The following PTCHD4 variants were observed in gnomAD, a reference collection of about 807,000 sequenced individuals.
The protein encoded by PTCHD4 is patched domain containing 4.
Under a neutral mutation model 58.1 loss-of-function variants are expected in PTCHD4, and 33 were observed. That is an observed-to-expected ratio of 0.57 (90% CI 0.43 to 0.76). PTCHD4 has a LOEUF of 0.76. PTCHD4 is among the 30% of genes least tolerant of loss of function. The pLI is 0.00. For missense variants in PTCHD4, 1,058 were observed against 1,027.1 expected, an observed-to-expected ratio of 1.03 and a Z score of -0.41; for synonymous variants, 478 against 409.6, an observed-to-expected ratio of 1.17 and a Z score of -2.02.
At chr6:48,053,294 C>A (rs976699951) in intron 3 of PTCHD4, among the ~76,000 whole-genome samples, 1 of 152,112 alleles carries the variant, frequency 6.6e-6, no homozygotes, top group African/African-American at 2.4e-5. Context: ...TTTTAATATT[C>A]AAAACGTGAC....
At chr6:48,049,119 C>G (rs1316120478) in intron 3 of PTCHD4, among the ~76,000 whole-genome samples, 1 of 151,928 alleles carries the variant, frequency 6.6e-6, no homozygotes, top group African/African-American at 2.4e-5. Flanking sequence ...CAACAGGAGG[C>G]AATTTTGTGC....
intron 4 of PTCHD4, chr6:47,899,586 G>A: frequency 2.0e-6 from 2 of 982,738 alleles, no homozygotes; most frequent in South Asian, 4.7e-5. Flanking sequence ...TAGAAAAAAA[G>A]AAATGGAAAG....
chr6:48,074,156 G>A (rs1765020974), intron 1 of PTCHD4, among the ~76,000 whole-genome samples: 1 of 151,790 alleles, frequency 6.6e-6, no homozygotes, highest in African/African-American at 2.4e-5. Flanking sequence ...ATGCAGAAGG[G>A]CGTATCCGAG....
chr6:47,897,940 C>CTTTTTTTTTTTTTTTTTTTTTTT (rs67063892), intron 4 of PTCHD4, among the ~76,000 whole-genome samples: 2 of 76,356 alleles, frequency 2.6e-5, no homozygotes, highest in Non-Finnish European at 4.8e-5. Context: ...TTCTTTCTTT[C>CTTTTTTTTTTTTTTTTTTTTTTT]TTTTTTTTTT....
At chr6:47,947,735 A>G (rs943003220) in intron 4 of PTCHD4, among the ~76,000 whole-genome samples, 1 of 152,128 alleles carries the variant, frequency 6.6e-6, no homozygotes, top group Non-Finnish European at 1.5e-5. Context: ...ATTTCAATAT[A>G]AATATTTGGA....
chr6:48,047,631 C>T (rs533268225), intron 3 of PTCHD4, among the ~76,000 whole-genome samples: 3 of 151,748 alleles, frequency 2.0e-5, no homozygotes, highest in Admixed American at 1.3e-4. Context: ...CAATGTGATG[C>T]TATTTGAAGG....
intron 4 of PTCHD4, among the ~76,000 whole-genome samples, chr6:47,955,905 C>A (rs531003756): frequency 1.3e-5 from 2 of 152,288 alleles, no homozygotes; most frequent in African/African-American, 4.8e-5. Flanking sequence ...ATAGAGCCAT[C>A]ATTCACTTTC....
intron 4 of PTCHD4, among the ~76,000 whole-genome samples, chr6:47,927,527 C>A (rs1003397969): frequency 6.6e-6 from 1 of 152,060 alleles, no homozygotes; most frequent in South Asian, 2.1e-4. Context: ...CTAAGTGATA[C>A]AAGATGTGAT....
In PTCHD4 at chr6:48,008,799, C is replaced by T; in HGVS notation, c.733G>A (p.Ala245Thr). 1 of 1,613,972 alleles carries T rather than the reference C, an allele frequency of 6.2e-7. No individual in the cohort carries two copies. The highest frequency in any genetic ancestry group is 8.5e-7 in the Non-Finnish European group (1 of 1,179,904). ...TCCTTCATGGAGCTGGAGAGGGTGG[C>T]TGTGGTCAGGATCAGCACGAGGCTC... ...LVSLVLILTT[A>T]TLSSSMKDCL... Residue 245 changes from alanine to threonine, a missense_variant, in exon 4 of 5, where the codon GCC becomes ACC. Transcript: ENST00000339488.
intron 3 of PTCHD4, among the ~76,000 whole-genome samples, chr6:48,021,397 C>A (rs1011875189): frequency 1.3e-5 from 2 of 152,026 alleles, no homozygotes; most frequent in Admixed American, 6.6e-5. Flanking sequence ...ATCATGGGGA[C>A]CTTGTTGGCT....
In PTCHD4 at chr6:47,866,501, T is replaced by C. The variant is rs1763565955; in HGVS notation, c.*11802A>G. On this transcript the variant is annotated 3_prime_UTR_variant, in exon 5 of 5. Coordinates refer to ENST00000339488, the MANE Select transcript of PTCHD4 (RefSeq NM_001384253.1). ...TGTGTTTGTTGACCATGGTCTCGTA[T>C]GGCCACTTGGTTGTTGGATTTATCT... Among the ~76,000 whole-genome samples, 1 of 151,838 alleles carries C rather than the reference T, an allele frequency of 6.6e-6. No individual in the cohort carries two copies. Among genetic ancestry groups the C allele is most frequent in the East Asian group, 1.9e-4 (1 of 5,152 alleles).
intron 4 of PTCHD4, among the ~76,000 whole-genome samples, chr6:47,880,789 T>C (rs1763997853): frequency 6.6e-6 from 1 of 152,208 alleles, no homozygotes; most frequent in African/African-American, 2.4e-5. Flanking sequence ...TATGCCAGAC[T>C]CTGGTAGCTA....
chr6:48,054,613 T>C (rs1260594235), intron 3 of PTCHD4, among the ~76,000 whole-genome samples: 1 of 152,182 alleles, frequency 6.6e-6, no homozygotes, highest in African/African-American at 2.4e-5. Context: ...CCCAGAAGTA[T>C]TCTAAAGTTA....
intron 4 of PTCHD4, among the ~76,000 whole-genome samples, chr6:47,888,497 T>G (rs932383997): frequency 6.6e-6 from 1 of 152,150 alleles, no homozygotes; most frequent in Non-Finnish European, 1.5e-5. Context: ...AAAATAAAAC[T>G]TAGTAGCAGA....
At chr6:47,995,664 T>G (rs1264799547) in intron 4 of PTCHD4, among the ~76,000 whole-genome samples, 1 of 152,214 alleles carries the variant, frequency 6.6e-6, no homozygotes, top group Non-Finnish European at 1.5e-5. Context: ...AATTCTGTCA[T>G]TGAATATCTT....
At chr6:47,916,482 C>T (rs1266986991) in intron 4 of PTCHD4, among the ~76,000 whole-genome samples, 10 of 152,098 alleles carry the variant, frequency 6.6e-5, no homozygotes, top group Non-Finnish European at 1.3e-4. Context: ...GGCTCTCTCC[C>T]CACCACCTAC....
intron 1 of PTCHD4, among the ~76,000 whole-genome samples, chr6:48,078,744 C>G (rs763477030): frequency 2.6e-5 from 4 of 151,954 alleles, no homozygotes; most frequent in Non-Finnish European, 5.9e-5. Flanking sequence ...TTTAACAAGG[C>G]CTTCTTCAAA....
intron 1 of PTCHD4, among the ~76,000 whole-genome samples, chr6:48,109,078 G>T (rs183044743): frequency 2.6e-5 from 4 of 152,180 alleles, no homozygotes; most frequent in Non-Finnish European, 2.9e-5. Context: ...GGAAAATGAA[G>T]TAAAATACCT....
intron 4 of PTCHD4, among the ~76,000 whole-genome samples, chr6:47,924,792 C>T (rs1765543639): frequency 6.6e-6 from 1 of 151,988 alleles, no homozygotes; most frequent in African/African-American, 2.4e-5. Context: ...TAACTTTGTT[C>T]TCTCTTTTTA....
Sources: allele counts gnomAD v4.1 joint callset (sites outside exome capture counted in the v4.1 genomes callset), GRCh38; gene constraint gnomAD v4.1.1; transcripts MANE v1.5; gene names NCBI Gene and HGNC (gene_info 2026-07-23, HGNC 2026-07-21).